The following MTMR9 variants were observed in gnomAD, a reference collection of about 807,000 sequenced individuals.
MTMR9 encodes myotubularin related protein 9.
In MTMR9, 39 loss-of-function variants were observed where a neutral mutation model predicts 69.5. The ratio of observed to expected loss-of-function variants is 0.56; its 90% CI spans 0.43 to 0.73. The LOEUF (loss-of-function observed/expected upper bound fraction) is 0.73. Ranked by LOEUF, MTMR9 falls within the 30% of genes least tolerant of loss-of-function variation. MTMR9 has a pLI of 0.00. For missense variants in MTMR9, 900 were observed against 671.2 expected (o/e 1.34, Z -3.77); for synonymous variants, 354 against 240.8 (o/e 1.47, Z -4.35).
chr8:11,328,341 CCA>C (rs1349482717), downstream of MTMR9, among the ~76,000 whole-genome samples: 1 of 113,214 alleles, frequency 8.8e-6, no homozygotes, highest in African/African-American at 3.5e-5. Context: ...TGCTTTAATA[CCA>C]CGTGTGTGTG....
intron 1 of MTMR9, among the ~76,000 whole-genome samples, chr8:11,291,942 T>C (rs967791526): frequency 6.6e-6 from 1 of 152,130 alleles, no homozygotes; most frequent in Non-Finnish European, 1.5e-5. Flanking sequence ...GTGTAAACTT[T>C]GATGTGTGTT....
intron 8 of MTMR9, 23 bp downstream of exon 8, chr8:11,316,916 G>T: frequency 4.7e-6 from 7 of 1,487,042 alleles, no homozygotes; most frequent in Non-Finnish European, 5.4e-6. Flanking sequence ...CTCACATGGG[G>T]ACCTTTCCTT....
intron 1 of MTMR9, among the ~76,000 whole-genome samples, chr8:11,288,089 A>T (rs1799246551): frequency 7.6e-6 from 1 of 131,488 alleles, no homozygotes; most frequent in East Asian, 2.1e-4. Flanking sequence ...TATATAATAT[A>T]TATAATTATT....
At chr8:11,289,200 C>T (rs1799293750) in intron 1 of MTMR9, among the ~76,000 whole-genome samples, 1 of 151,994 alleles carries the variant, frequency 6.6e-6, no homozygotes, top group Non-Finnish European at 1.5e-5. Flanking sequence ...AAACAAAAAA[C>T]AGTAGTGTAG....
chr8:11,316,422 G>A (rs374356241), intron 7 of MTMR9: 27 of 332,734 alleles, frequency 8.1e-5, no homozygotes, highest in African/African-American at 5.3e-4. Context: ...TATTCCAAGG[G>A]CAGTGCAGTT....
chr8:11,309,617 G>C lies in MTMR9; in HGVS notation c.900G>C (p.Glu300Asp). Residue 300 changes from glutamate (E) to aspartate (D), a missense_variant, in exon 6 of 10, where the codon GAG becomes GAC. By Grantham distance (45) the Glu-to-Asp change is conservative. Coordinates refer to ENST00000221086, the MANE Select transcript of MTMR9 (RefSeq NM_015458.4). The part of the protein sequence containing the change: ...HNMDRWLSKL[E>D]ASNWLTHIKE... ...TGGACCGATGGCTCAGTAAATTGGA[G>C]GCCTCTAACTGGCTGACTCACATCA... The C allele has an allele frequency of 6.2e-7, 1 of 1,613,940 alleles. No homozygotes were observed. Among genetic ancestry groups the C allele is most frequent in the East Asian group, 2.2e-5 (1 of 44,880 alleles).
chr8:11,331,044 G>A (rs921958096), downstream of MTMR9: 138 of 1,537,428 alleles, frequency 9.0e-5, 1 homozygote, highest in Non-Finnish European at 1.1e-4. Context: ...AGGTCACAAT[G>A]GCTGGAGCTC....
intron 2 of MTMR9, among the ~76,000 whole-genome samples, chr8:11,299,472 A>G (rs997545287): frequency 3.9e-5 from 6 of 152,228 alleles, no homozygotes; most frequent in African/African-American, 1.2e-4. Context: ...AAACTGAGGC[A>G]TAGAGTGGTT....
intron 2 of MTMR9, among the ~76,000 whole-genome samples, chr8:11,299,373 G>T (rs537415882): frequency 2.6e-5 from 4 of 152,140 alleles, no homozygotes; most frequent in Admixed American, 6.5e-5. Context: ...GCCAGACACT[G>T]TTCTAAGCCT....
chr8:11,311,664 G>A (rs1239844824), intron 6 of MTMR9, among the ~76,000 whole-genome samples: 1 of 152,188 alleles, frequency 6.6e-6, no homozygotes, highest in Non-Finnish European at 1.5e-5. Flanking sequence ...GATCAGGGTG[G>A]TAGTTACTGA....
chr8:11,312,192 A>C (rs1201313570), intron 6 of MTMR9, among the ~76,000 whole-genome samples: 1 of 151,882 alleles, frequency 6.6e-6, no homozygotes, highest in Non-Finnish European at 1.5e-5. Flanking sequence ...CTACAGGTGC[A>C]CACCACCACG....
At chr8:11,299,306 C>G (rs1799668178) in intron 2 of MTMR9, among the ~76,000 whole-genome samples, 1 of 152,152 alleles carries the variant, frequency 6.6e-6, no homozygotes, top group Non-Finnish European at 1.5e-5. Context: ...GCCTGGGTGA[C>G]AAGAGCAAAA....
chr8:11,314,555 C>G (rs559647080), intron 6 of MTMR9, among the ~76,000 whole-genome samples: 1 of 152,192 alleles, frequency 6.6e-6, no homozygotes, highest in South Asian at 2.1e-4. Context: ...AGGCTTTAAC[C>G]AACGATTAAA....
At chr8:11,315,665 T>C (rs1025782482) in intron 7 of MTMR9, among the ~76,000 whole-genome samples, 13 of 152,246 alleles carry the variant, frequency 8.5e-5, no homozygotes, top group Non-Finnish European at 1.8e-4. Flanking sequence ...AAAAAGAGTA[T>C]CTTGCTCCTC....
At chr8:11,307,983 C>A (rs776757618) in intron 5 of MTMR9, among the ~76,000 whole-genome samples, 5 of 152,076 alleles carry the variant, frequency 3.3e-5, no homozygotes, top group Non-Finnish European at 7.4e-5. Flanking sequence ...ATGTTTTCTC[C>A]CATTCCATAG....
At chr8:11,336,598 A>G in the MTMR9 span, among the ~76,000 whole-genome samples, 1 of 152,202 alleles carries the variant, frequency 6.6e-6, no homozygotes. Context: ...GAATTGATGT[A>G]GATAAGTACT....
chr8:11,295,597 G>C (rs1799526396), intron 2 of MTMR9, among the ~76,000 whole-genome samples: 1 of 152,166 alleles, frequency 6.6e-6, no homozygotes, highest in Non-Finnish European at 1.5e-5. Flanking sequence ...TTAAATAACA[G>C]ATACTGTTTC....
At chr8:11,321,342 G>T (rs1428491410) in intron 9 of MTMR9, 1 of 452,830 alleles carries the variant, frequency 2.2e-6, no homozygotes. Flanking sequence ...TTAAACGAGA[G>T]GTTACAGTAT....
chr8:11,313,739 T>C (rs1793396506), intron 6 of MTMR9, among the ~76,000 whole-genome samples: 1 of 152,186 alleles, frequency 6.6e-6, no homozygotes, highest in African/African-American at 2.4e-5. Flanking sequence ...TTCACTGTCT[T>C]ATATGGACGT....
Sources: gnomAD v4.1 joint callset for allele counts (sites outside exome capture counted in the v4.1 genomes callset) on GRCh38, gnomAD v4.1.1 for gene constraint, MANE v1.5 for transcripts, NCBI Gene and HGNC (gene_info 2026-07-23, HGNC 2026-07-21) for gene names.